Variants in SLA2 observed in about 807,000 individuals in gnomAD.
SLA2 encodes the protein src-like-adapter 2.
A neutral mutation model predicts 27.3 loss-of-function variants in SLA2; 22 were observed. That is an observed-to-expected ratio of 0.81 (90% confidence interval 0.58 to 1.15). The LOEUF (loss-of-function observed/expected upper bound fraction) is 1.15, where lower values mean the gene tolerates loss of function less well. Ranked by LOEUF, SLA2 falls within the 50% of genes most tolerant of loss-of-function variation. SLA2 has a pLI of 0.00. For synonymous variants in SLA2, 131 were observed against 137.8 expected (o/e 0.95, Z 0.34); for missense variants, 304 against 322.2 (o/e 0.94, Z 0.43).
Position 36,612,360 on chromosome 20 carries a change from T to A in SLA2, c.*1506A>T, listed in dbSNP as rs2039145620. ...TCATTTAATTTGATGCACCTCTGGA[T>A]TCAGATGAAACATTAAATTGTCTTC... is the stretch of plus-strand genomic sequence containing the variant. On this transcript the variant is annotated 3_prime_UTR_variant, in exon 8 of 8. Transcript: ENST00000262866. The A allele has an allele frequency of 1.3e-6, 1 of 771,550 alleles. No homozygotes were observed. Among genetic ancestry groups the A allele is most frequent in the Non-Finnish European group, 2.2e-6 (1 of 456,902 alleles). 47.8% of individuals were successfully genotyped at this position (771,550 alleles called of 1,614,324 possible).
At position 36,641,256 on chromosome 20, in the gene SLA2, G is replaced by A. The variant is rs373326749; in HGVS notation, c.80C>T (p.Thr27Ile). 3.1e-6 allele frequency: 5 copies of A among 1,613,950 alleles called. No individual in the cohort carries two copies. In the African/African-American group the frequency reaches 6.7e-5, roughly 22 times the overall value. ...SSSVQGQGPV[T>I]MEAERSKATA... The stretch of plus-strand genomic sequence containing the variant: ...GCCCTGAGGCCTACCTGCTTCCATG[G>A]TCACAGGTCCCTGGCCTTGGACAGA... The change falls in exon 2 of 8, where the codon ACC becomes ATC. Residue 27 changes from threonine (T) to isoleucine (I), a missense_variant. Coordinates refer to ENST00000262866, the MANE Select transcript of SLA2 (RefSeq NM_032214.4).
chr20:36,620,834 C>CT (rs1488651137), intron 5 of SLA2: 1 of 191,992 alleles, frequency 5.2e-6, no homozygotes, highest in Non-Finnish European at 1.1e-5. Flanking sequence ...TCCCAAAGTG[C>CT]TGGGATTACA....
At chr20:36,618,292 A>G (rs1440415642) in intron 5 of SLA2, among the ~76,000 whole-genome samples, 3 of 151,862 alleles carry the variant, frequency 2.0e-5, no homozygotes, top group African/African-American at 7.2e-5. Context: ...ACTGGAGTGC[A>G]GTGGCATGAT....
intron 5 of SLA2, among the ~76,000 whole-genome samples, chr20:36,627,353 A>G (rs901874742): frequency 6.6e-6 from 1 of 152,168 alleles, no homozygotes; most frequent in African/African-American, 2.4e-5. Context: ...GGGATCAGAT[A>G]AGGAGCTGCA....
In SLA2 at chr20:36,613,975, A is replaced by C. The variant is rs1345701654; in HGVS notation, c.677T>G (p.Phe226Cys). 1.2e-6 allele frequency: 2 copies of C among 1,614,074 alleles called. No individual in the cohort carries two copies. The highest frequency in any genetic ancestry group is 2.2e-5 in the East Asian group (1 of 44,878). Residue 226 changes from phenylalanine to cysteine, a missense_variant, in exon 8 of 8, where the codon TTT (phenylalanine) becomes TGT (cysteine). Transcript: ENST00000262866. ...NWKELDSSLL[F>C]SEAATGEESL... ...CTCCTCCCCTGTGGCAGCTTCAGAA[A>C]ACAGGAGGGAGCTGTGGACAAAGGA...
chr20:36,623,837 G>A (rs531252989), intron 5 of SLA2, among the ~76,000 whole-genome samples: 12 of 152,052 alleles, frequency 7.9e-5, no homozygotes, highest in African/African-American at 1.2e-4. Context: ...GAGCTGTGCT[G>A]TAACCCTAAA....
chr20:36,616,691 G>A (rs1298213417), intron 5 of SLA2, among the ~76,000 whole-genome samples: 1 of 152,128 alleles, frequency 6.6e-6, no homozygotes. Flanking sequence ...GGCGTGCAGT[G>A]GCATGATCAC....
chr20:36,637,475 G>A (rs528196528), intron 2 of SLA2, among the ~76,000 whole-genome samples: 2 of 151,712 alleles, frequency 1.3e-5, no homozygotes, highest in South Asian at 2.1e-4. Context: ...GATTACAGGC[G>A]TGAGCCACTG....
intron 5 of SLA2, among the ~76,000 whole-genome samples, chr20:36,619,397 ACG>A (rs1459888951): frequency 6.7e-6 from 1 of 148,458 alleles, no homozygotes; most frequent in Admixed American, 6.7e-5. Context: ...ATGGTGGCAC[ACG>A]CCTGTAATCC....
At chr20:36,635,532 G>A (rs536442537) in intron 2 of SLA2, among the ~76,000 whole-genome samples, 1 of 152,044 alleles carries the variant, frequency 6.6e-6, no homozygotes, top group African/African-American at 2.4e-5. Context: ...GGTGGGCATG[G>A]GAAGACCGAG....
At chr20:36,621,981 A>C (rs2039287722) in intron 5 of SLA2, among the ~76,000 whole-genome samples, 1 of 151,634 alleles carries the variant, frequency 6.6e-6, no homozygotes, top group South Asian at 2.1e-4. Flanking sequence ...GTGCCACTAC[A>C]CTCCAGCCTA....
chr20:36,638,992 G>A (rs907530274), intron 2 of SLA2, among the ~76,000 whole-genome samples: 6 of 152,030 alleles, frequency 3.9e-5, no homozygotes, highest in African/African-American at 1.2e-4. Context: ...GATTACAGGC[G>A]TGCGCCACCA....
At chr20:36,633,521 C>T (rs368079700) in intron 4 of SLA2, 22 bp downstream of exon 4, 23 of 1,598,238 alleles carry the variant, frequency 1.4e-5, no homozygotes, top group East Asian at 4.5e-5. Context: ...CTCTGCAAGG[C>T]GGGCCTGGGG....
chr20:36,612,488 A>G lies in SLA2; in HGVS notation c.*1378T>C. On this transcript the variant is annotated 3_prime_UTR_variant, in exon 8 of 8. Transcript: ENST00000262866. ...GCGTGGTCCATAGCACAGTACATGC[A>G]GCATCTAATAAGAGTTTCCATTGTA... 1 of 511,414 alleles carries G rather than the reference A, an allele frequency of 2.0e-6. No homozygotes were observed. Among genetic ancestry groups the G allele is most frequent in the Non-Finnish European group, 3.5e-6 (1 of 282,122 alleles). 31.7% of individuals were successfully genotyped at this position (511,414 alleles called of 1,614,324 possible).
intron 5 of SLA2, among the ~76,000 whole-genome samples, chr20:36,624,627 C>T (rs978700264): frequency 6.6e-6 from 1 of 152,190 alleles, no homozygotes; most frequent in South Asian, 2.1e-4. Flanking sequence ...CGGACGGAGC[C>T]ACGATTACAA....
chr20:36,642,074 A>G (rs371446119), intron 1 of SLA2, among the ~76,000 whole-genome samples: 3 of 133,828 alleles, frequency 2.2e-5, no homozygotes, highest in African/African-American at 8.5e-5. Context: ...AGGCTGAGAC[A>G]GGAGAATTGC....
chr20:36,629,689 G>A (rs1177896697), intron 5 of SLA2, among the ~76,000 whole-genome samples: 4 of 152,076 alleles, frequency 2.6e-5, no homozygotes, highest in Non-Finnish European at 5.9e-5. Flanking sequence ...CAGGAGACTC[G>A]CTTGAACCCA....
intron 4 of SLA2, 49 bp from the exon 5 acceptor site, chr20:36,632,747 G>T (rs1162495296): frequency 2.6e-6 from 4 of 1,510,322 alleles, no homozygotes; most frequent in Non-Finnish European, 2.7e-6. Context: ...CCTGGAGGAA[G>T]AGGGAAGCCA....
chr20:36,621,540 C>A (rs1265904207), intron 5 of SLA2: 1 of 141,202 alleles, frequency 7.1e-6, no homozygotes, highest in Non-Finnish European at 1.5e-5. Flanking sequence ...GCAGGAGAAT[C>A]GCTTGAACCC....
Sources: gnomAD v4.1 joint callset for allele counts (sites outside exome capture counted in the v4.1 genomes callset) on GRCh38, gnomAD v4.1.1 for gene constraint, MANE v1.5 for transcripts, NCBI Gene and HGNC (gene_info 2026-07-23, HGNC 2026-07-21) for gene names.